Variants in MSH5 observed in about 807,000 individuals in gnomAD.
MSH5 encodes the protein mutS protein homolog 5.
Under a neutral mutation model 107.7 loss-of-function variants are expected in MSH5, and 78 were observed. The observed-to-expected ratio is 0.72, with a 90% CI of 0.60 to 0.87. The LOEUF (loss-of-function observed/expected upper bound fraction) is 0.87, where lower values mean the gene tolerates loss of function less well. Among genes scored for constraint, MSH5 ranks in the 40% least tolerant of loss-of-function variants. MSH5 has a pLI of 0.00. For missense variants in MSH5, 889 were observed against 1,046.6 expected, an observed-to-expected ratio of 0.85 and a Z score of 2.08; for synonymous variants, 326 against 399.5, an observed-to-expected ratio of 0.82 and a Z score of 2.19.
chr6:31,759,136 G>C lies in MSH5; in HGVS notation c.1366G>C (p.Val456Leu), dbSNP rs1283350101. 1 of 1,612,854 alleles carries C rather than the reference G, an allele frequency of 6.2e-7. No individual in the cohort carries two copies. Among genetic ancestry groups the C allele is most frequent in the Admixed American group, 1.7e-5 (1 of 59,982 alleles). ...TTCTATTCCCCGCCTGCCTTCCATGGTAGAGGCCAGTGACTTTGAGATTAA... is the reference window on the plus strand; with the variant it reads ...TTCTATTCCCCGCCTGCCTTCCATGCTAGAGGCCAGTGACTTTGAGATTAA... Reference protein sequence around the residue: ...LLSIPRLPSMVEASDFEINGL... With the variant: ...LLSIPRLPSMLEASDFEINGL... Residue 456 changes from valine (V) to leucine (L), a missense_variant, in exon 16 of 25, where the codon GTA becomes CTA. Physicochemically the swap from Val to Leu is conservative, Grantham distance 32. Coordinates refer to ENST00000375750, the MANE Select transcript of MSH5 (RefSeq NM_172166.4). The surrounding 1 kb of genome is among the most constrained non-coding windows in gnomAD (Gnocchi z 4.7).
Position 31,747,381 on chromosome 6 carries a change from T to C in MSH5, c.767-6T>C. 6.2e-7 allele frequency: 1 copy of C among 1,613,028 alleles called. No homozygotes were observed. Among genetic ancestry groups the C allele is most frequent in the Non-Finnish European group, 8.5e-7 (1 of 1,179,980 alleles). ...ACAAGTTCACTCCCTGCCTTATCCCTCACAGGAATCCTCAACAGATGCCAC... is the reference window on the plus strand; with the variant it reads ...ACAAGTTCACTCCCTGCCTTATCCCCCACAGGAATCCTCAACAGATGCCAC... On this transcript the variant is annotated splice_region_variant and splice_polypyrimidine_tract_variant and intron_variant, in intron 9 of 24. Coordinates refer to ENST00000375750, the MANE Select transcript of MSH5 (RefSeq NM_172166.4).
At chr6:31,753,505 T>G in intron 11 of MSH5, 62 bp from the exon 12 acceptor site, 1 of 1,613,540 alleles carries the variant, frequency 6.2e-7, no homozygotes, top group East Asian at 2.2e-5. Flanking sequence ...GGCAGTGGGC[T>G]TCTTGAGGGG....
Position 31,758,902 on chromosome 6 carries a change from T to C in MSH5, c.1326+27T>C, listed in dbSNP as rs772965311. On this transcript the variant is annotated intron_variant, in intron 15 of 24. Coordinates refer to ENST00000375750, the MANE Select transcript of MSH5 (RefSeq NM_172166.4). This position sits in a 1 kb window ranked among gnomAD's most constrained non-coding sequence, Gnocchi z 5.1. ...TGAGGGCAGGAGAGTGGGTGTAGCC[T>C]TCAGATGTCTTTTGGGGGAGATATT... is the stretch of plus-strand genomic sequence containing the variant. 21 of 1,582,226 alleles carry C rather than the reference T, an allele frequency of 1.3e-5. No individual in the cohort carries two copies. The highest frequency in any genetic ancestry group is 6.7e-5 in the Admixed American group (4 of 59,900).
chr6:31,743,091 T>C lies in MSH5; in HGVS notation c.353-17T>C, dbSNP rs913906632. On this transcript the variant is annotated splice_polypyrimidine_tract_variant and intron_variant, in intron 4 of 24. Coordinates refer to ENST00000375750, the MANE Select transcript of MSH5 (RefSeq NM_172166.4). ...TGAGATGTAAAGAATGATAGCCTTT[T>C]CTTTCCTCCCCCACAGCCTCCCAGG... 1.2e-6 allele frequency: 2 copies of C among 1,612,886 alleles called. No individual in the cohort carries two copies. Among genetic ancestry groups the C allele is most frequent in the African/African-American group, 2.7e-5 (2 of 74,916 alleles).
At chr6:31,747,541 CTAG>C (rs1036087162) in intron 10 of MSH5, 109 bp downstream of exon 10, 14 of 1,133,850 alleles carry the variant, frequency 1.2e-5, no homozygotes, top group Non-Finnish European at 1.7e-5. Flanking sequence ...ACCACCCCAC[CTAG>C]TAGTAGTAAA....
intron 3 of MSH5, 57 bp downstream of exon 3, chr6:31,741,343 ACACACAC>A: frequency 2.4e-6 from 1 of 423,142 alleles, no homozygotes; most frequent in Non-Finnish European, 3.2e-6. Context: ...TGTTACACAC[ACACACAC>A]ACACACACAC....
Position 31,759,919 on chromosome 6 carries a change from C to A in MSH5, c.1629C>A (p.Gly543=), listed in dbSNP as rs1328194224. ...LALASAARDY[G]YSRPRYSPQV... ...TTGCCAGTGCTGCCCGGGACTATGG[C>A]TACTCAAGGCCGCGTTACTCCCCAC... The change falls in exon 18 of 25, where the codon GGC becomes GGA. Residue 543 remains glycine, a synonymous_variant. Transcript: ENST00000375750. The surrounding 1 kb of genome is among the most constrained non-coding windows in gnomAD (Gnocchi z 4.7). 6.2e-7 allele frequency: 1 copy of A among 1,614,208 alleles called. No individual in the cohort carries two copies.
chr6:31,758,435 G>T lies in MSH5; in HGVS notation c.1144-113G>T. 1 of 1,548,724 alleles carries T rather than the reference G, an allele frequency of 6.5e-7. No individual in the cohort carries two copies. The highest frequency in any genetic ancestry group is 8.9e-7 in the Non-Finnish European group (1 of 1,127,106). On this transcript the variant is annotated intron_variant, in intron 13 of 24. Coordinates refer to ENST00000375750, the MANE Select transcript of MSH5 (RefSeq NM_172166.4). This position sits in a 1 kb window ranked among gnomAD's most constrained non-coding sequence, Gnocchi z 5.1. ...GAGGAGGCAGCAGAACTTCAGGGAA[G>T]TATCTGGAGGGTGAGAGTTAAAGGA...
intron 8 of MSH5, 97 bp from the exon 9 acceptor site, chr6:31,745,140 G>A (rs963548504): frequency 1.4e-6 from 1 of 726,592 alleles, no homozygotes; most frequent in Non-Finnish European, 2.4e-6. Context: ...GTGATCTCAG[G>A]AGGATATCCC....
Position 31,761,145 on chromosome 6 carries a change from G to A in MSH5, c.1963-43G>A, listed in dbSNP as rs995129566. On this transcript the variant is annotated intron_variant, in intron 20 of 24. Coordinates refer to ENST00000375750, the MANE Select transcript of MSH5 (RefSeq NM_172166.4). This position sits in a 1 kb window ranked among gnomAD's most constrained non-coding sequence, Gnocchi z 5.3. ...GCCAACTGTGGTCAGTGCGTTACGG[G>A]CTTCCAATACTAACTTTCCCTTGTC... is the stretch of plus-strand genomic sequence containing the variant. The A allele has an allele frequency of 6.3e-7, 1 of 1,591,790 alleles. No individual in the cohort carries two copies. Among genetic ancestry groups the A allele is most frequent in the African/African-American group, 1.3e-5 (1 of 74,684 alleles).
In MSH5 at chr6:31,761,903, A is replaced by G; in HGVS notation, c.2267A>G (p.His756Arg). The change falls in exon 23 of 25, where the codon CAC becomes CGC. Residue 756 changes from histidine to arginine, a missense_variant. Transcript: ENST00000375750. The surrounding 1 kb of genome is among the most constrained non-coding windows in gnomAD (Gnocchi z 5.3). ...EGVAKASHAS[H>R]TAAQAGLPDK... The stretch of plus-strand genomic sequence containing the variant: ...GTTGCGAAGGCCAGCCATGCCTCCC[A>G]CACAGCTGCCCAGGCTGGGCTTCCT... The G allele has an allele frequency of 1.9e-6, 3 of 1,613,380 alleles. No individual in the cohort carries two copies. Among genetic ancestry groups the G allele is most frequent in the Non-Finnish European group, 1.7e-6 (2 of 1,179,948 alleles).
chr6:31,741,443 A>G (rs1219902647), intron 3 of MSH5, among the ~76,000 whole-genome samples, 157 bp downstream of exon 3: 1 of 151,662 alleles, frequency 6.6e-6, no homozygotes, highest in Non-Finnish European at 1.5e-5. Flanking sequence ...CAGTGGCGCA[A>G]TCTTGGCTCA....
rs1437863305 is a variant in MSH5, at chr6:31,760,335, A to G, written c.1812+119A>G. ...CCATTTTCTGACCCCGCTCTTCATG[A>G]AAGGACCATCACCCACATCCCTGTG... On this transcript the variant is annotated intron_variant, in intron 19 of 24. Transcript: ENST00000375750. The surrounding 1 kb of genome is among the most constrained non-coding windows in gnomAD (Gnocchi z 5.6). The G allele has an allele frequency of 7.5e-7, 1 of 1,332,376 alleles. No homozygotes were observed. Among genetic ancestry groups the G allele is most frequent in the African/African-American group, 1.5e-5 (1 of 68,034 alleles). The allele number at this position is 1,332,376 out of a possible 1,614,324, so 82.5% of individuals were successfully genotyped here.
intron 10 of MSH5, among the ~76,000 whole-genome samples, chr6:31,749,900 ACCT>A (rs1809797039): frequency 6.6e-6 from 1 of 151,524 alleles, no homozygotes; most frequent in Non-Finnish European, 1.5e-5. Flanking sequence ...CCCCTACCTC[ACCT>A]CCCGCTGCAA....
In MSH5 at chr6:31,743,914, A is replaced by G. The variant is rs1809152007; in HGVS notation, c.426A>G (p.Ile142Met). 6.2e-7 allele frequency: 1 copy of G among 1,613,178 alleles called. No homozygotes were observed. The highest frequency in any genetic ancestry group is 1.3e-5 in the African/African-American group (1 of 74,908). Residue 142 changes from isoleucine to methionine, a missense_variant, in exon 6 of 25, where the codon ATA becomes ATG. By Grantham distance (10) the Ile-to-Met change is conservative. Around this residue, in one of 3 missense-constraint regions of MSH5, gnomAD observed 518 missense variants for 565.0 expected, o/e 0.92. Transcript: ENST00000375750. ...GCCTCCCTCAAATAGGTCTGGAGATAAGCAAACAACGCCTCCTTTCTGGAA... is the reference window on the plus strand; with the variant it reads ...GCCTCCCTCAAATAGGTCTGGAGATGAGCAAACAACGCCTCCTTTCTGGAA... ...FLPSVDFGLE[I>M]SKQRLLSGNY...
Position 31,761,833 on chromosome 6 carries a change from G to A in MSH5, c.2197G>A (p.Glu733Lys), listed in dbSNP as rs770936535. Residue 733 changes from glutamate (E) to lysine (K), a missense_variant, in exon 23 of 25, where the codon GAG (glutamate) becomes AAG (lysine). Glu to Lys is a moderately conservative substitution (Grantham distance 56, BLOSUM62 1). Coordinates refer to ENST00000375750, the MANE Select transcript of MSH5 (RefSeq NM_172166.4). The surrounding 1 kb of genome is among the most constrained non-coding windows in gnomAD (Gnocchi z 5.3). ...LVQYLTMETCEDGNDLVFFYQ... is the reference protein window; with the variant it reads ...LVQYLTMETCKDGNDLVFFYQ... ...CTCTTTTAAGACCATGGAGACCTGT[G>A]AGGATGGCAACGATCTTGTCTTCTT... The A allele has an allele frequency of 6.2e-7, 1 of 1,613,100 alleles. No individual in the cohort carries two copies. Among genetic ancestry groups the A allele is most frequent in the Admixed American group, 1.7e-5 (1 of 60,026 alleles).
At chr6:31,756,063 A>G (rs1413942740) in intron 12 of MSH5, among the ~76,000 whole-genome samples, 2 of 148,588 alleles carry the variant, frequency 1.3e-5, no homozygotes, top group Non-Finnish European at 3.0e-5. Flanking sequence ...TTTTTTCAAT[A>G]CTGTTTTAGA....
At chr6:31,748,344 C>CTTTT (rs36029092) in intron 10 of MSH5, among the ~76,000 whole-genome samples, 32 of 126,562 alleles carry the variant, frequency 2.5e-4, no homozygotes, top group East Asian at 5.0e-4. Flanking sequence ...CATGTCACTC[C>CTTTT]TTTTTTTTTT....
chr6:31,747,555 G>A lies in MSH5; in HGVS notation c.812+123G>A, dbSNP rs114979588. 2.4e-3 allele frequency: 2,342 copies of A among 981,228 alleles called. 3 individuals carry two copies. The highest frequency in any genetic ancestry group is 3.5e-3 in the Non-Finnish European group (2,242 of 637,308). 60.8% of individuals were successfully genotyped at this position (981,228 alleles called of 1,614,324 possible). On this transcript the variant is annotated intron_variant, in intron 10 of 24. Transcript: ENST00000375750. ...CACCACCCCACCTAGTAGTAGTAAA[G>A]CAACTGCCCTTTACTGAGCACTGGC...
Sources: allele counts gnomAD v4.1 joint callset (sites outside exome capture counted in the v4.1 genomes callset), GRCh38; gene constraint gnomAD v4.1.1; regional missense constraint gnomAD v4.1.1; non-coding constraint Gnocchi (gnomAD v3.1); transcripts MANE v1.5; gene names NCBI Gene and HGNC (gene_info 2026-07-23, HGNC 2026-07-21).